SCAND3: variants seen among roughly 807,000 people sequenced by gnomAD.
SCAND3 encodes SCAN domain containing 3.
the SCAND3 span, among the ~76,000 whole-genome samples, chr6:28,611,978 G>A: frequency 1.3e-5 from 2 of 152,036 alleles, no homozygotes; most frequent in African/African-American, 2.4e-5. Flanking sequence ...TCCAGAAGAG[G>A]AATAAGCATC....
chr6:28,593,506 C>G, the SCAND3 span: 8 of 151,940 alleles, frequency 5.3e-5, no homozygotes, highest in African/African-American at 1.9e-4. Flanking sequence ...GAAACCCCGT[C>G]TCTATTAAAA....
the SCAND3 span, chr6:28,598,117 G>A: frequency 3.3e-5 from 5 of 152,184 alleles, no homozygotes; most frequent in Admixed American, 2.6e-4. Context: ...GGTCGGGTGG[G>A]GCAATCCTTC....
the SCAND3 span, among the ~76,000 whole-genome samples, chr6:28,599,924 A>G: frequency 3.3e-5 from 5 of 151,816 alleles, no homozygotes; most frequent in African/African-American, 9.7e-5. Flanking sequence ...ACAATTGGAG[A>G]TCCATATGTT....
the SCAND3 span, among the ~76,000 whole-genome samples, chr6:28,607,149 T>C: frequency 5.3e-5 from 8 of 152,230 alleles, no homozygotes; most frequent in Non-Finnish European, 1.0e-4. Context: ...GCAACCTGTC[T>C]GTGGTTGGGG....
At chr6:28,581,064 C>T in the SCAND3 span, among the ~76,000 whole-genome samples, 1 of 152,052 alleles carries the variant, frequency 6.6e-6, no homozygotes, top group South Asian at 2.1e-4. Flanking sequence ...AAGCTGAGTG[C>T]AGTAGCTGAC....
At chr6:28,581,928 T>C in the SCAND3 span, among the ~76,000 whole-genome samples, 1 of 152,232 alleles carries the variant, frequency 6.6e-6, no homozygotes, top group African/African-American at 2.4e-5. Context: ...CCAGTGGTAT[T>C]TCCCCTGTGG....
chr6:28,587,732 T>C, the SCAND3 span: 1 of 151,332 alleles, frequency 6.6e-6, no homozygotes, highest in African/African-American at 2.4e-5. Flanking sequence ...TAAAAAGAAA[T>C]GTAAGAGTTA....
chr6:28,593,568 AG>A, the SCAND3 span: 1 of 152,298 alleles, frequency 6.6e-6, no homozygotes, highest in Non-Finnish European at 1.5e-5. Context: ...CCAGCTACTC[AG>A]GAGGCTGAGG....
the SCAND3 span, among the ~76,000 whole-genome samples, chr6:28,600,095 C>A: frequency 6.6e-6 from 1 of 151,590 alleles, no homozygotes; most frequent in Non-Finnish European, 1.5e-5. Flanking sequence ...TTTATAAAAA[C>A]AACACCAAAA....
chr6:28,573,397 G>A, the SCAND3 span: 1 of 1,613,962 alleles, frequency 6.2e-7, no homozygotes, highest in Non-Finnish European at 8.5e-7. Context: ...TTTAGACTTG[G>A]CAACCGGAAG....
chr6:28,597,341 G>A, the SCAND3 span, among the ~76,000 whole-genome samples: 3 of 152,154 alleles, frequency 2.0e-5, no homozygotes, highest in Non-Finnish European at 2.9e-5. Flanking sequence ...CTCCAGAAAC[G>A]ACGAGGATGG....
chr6:28,587,656 C>G, the SCAND3 span: 1 of 152,200 alleles, frequency 6.6e-6, no homozygotes, highest in Admixed American at 6.5e-5. Context: ...TCTGTAGGAT[C>G]GTCCCCCGCC....
the SCAND3 span, chr6:28,572,241 G>A: frequency 1.9e-6 from 3 of 1,613,420 alleles, no homozygotes; most frequent in Non-Finnish European, 2.5e-6. This position sits in a 1 kb window ranked among gnomAD's most constrained non-coding sequence, Gnocchi z 4.1. Context: ...TTAAATTTAA[G>A]TTATCTTTTG....
the SCAND3 span, chr6:28,586,243 T>C: frequency 3.0e-5 from 44 of 1,460,002 alleles, no homozygotes; most frequent in East Asian, 9.8e-4. This position sits in a 1 kb window ranked among gnomAD's most constrained non-coding sequence, Gnocchi z 4.4. Flanking sequence ...CATTACTCCA[T>C]TCTGGATCCA....
the SCAND3 span, chr6:28,587,497 A>G: frequency 3.9e-5 from 6 of 152,238 alleles, no homozygotes; most frequent in Non-Finnish European, 7.3e-5. Context: ...AGAGTTCCAC[A>G]GTGTGAGTAG....
chr6:28,600,613 T>A, the SCAND3 span, among the ~76,000 whole-genome samples: 1 of 152,060 alleles, frequency 6.6e-6, no homozygotes, highest in Non-Finnish European at 1.5e-5. Flanking sequence ...GGTGACAAAG[T>A]GAGACTCTGT....
chr6:28,573,403 G>A, the SCAND3 span: 14 of 1,613,968 alleles, frequency 8.7e-6, no homozygotes, highest in East Asian at 4.5e-5. Flanking sequence ...CTTGGCAACC[G>A]GAAGTGCTAC....
At chr6:28,592,020 T>C in the SCAND3 span, among the ~76,000 whole-genome samples, 1 of 152,206 alleles carries the variant, frequency 6.6e-6, no homozygotes. This position sits in a 1 kb window ranked among gnomAD's most constrained non-coding sequence, Gnocchi z 4.1. Context: ...ATTATATCCA[T>C]AGATACGGAA....
the SCAND3 span, among the ~76,000 whole-genome samples, chr6:28,576,514 T>G: frequency 1.3e-5 from 2 of 152,130 alleles, no homozygotes; most frequent in Admixed American, 1.3e-4. Context: ...CCTGCCAGCC[T>G]CAGCCTCCCA....
Sources: allele counts gnomAD v4.1 joint callset (sites outside exome capture counted in the v4.1 genomes callset), GRCh38; gene constraint gnomAD v4.1.1; non-coding constraint Gnocchi (gnomAD v3.1); transcripts MANE v1.5; gene names NCBI Gene and HGNC (gene_info 2026-07-23, HGNC 2026-07-21).